The following LRAT variants were observed in gnomAD, a reference collection of about 807,000 sequenced individuals.
LRAT encodes the protein lecithin retinol acyltransferase, also known as lecithin retinol acyltransferase (phosphatidylcholine--retinol O-acyltransferase).
In LRAT, 11 loss-of-function variants were observed where a neutral mutation model predicts 14.2. That is an observed-to-expected ratio of 0.78 (90% CI 0.49 to 1.29). The LOEUF (loss-of-function observed/expected upper bound fraction) is 1.29. Ranked by LOEUF, LRAT falls within the 50% of genes most tolerant of loss-of-function variation. The pLI is 0.00. For synonymous variants in LRAT, 144 were observed against 124.8 expected (o/e 1.15, Z -1.03); for missense variants, 274 against 292.4 (o/e 0.94, Z 0.46).
Position 154,744,489 on chromosome 4 carries a change from C to A in LRAT, c.163C>A (p.Arg55=). ...CCGAGGCGACGTGCTGGAGGTGCCC[C>A]GGACCCACCTGACCCACTATGGCAT... ...FHRGDVLEVP[R]THLTHYGIYL... is the part of the protein sequence containing the mutation. Residue 55 remains arginine, a synonymous_variant, in exon 2 of 3, where the codon CGG becomes AGG. Coordinates refer to ENST00000336356, the MANE Select transcript of LRAT (RefSeq NM_004744.5). The A allele has an allele frequency of 6.2e-7, 1 of 1,614,082 alleles. No homozygotes were observed. Among genetic ancestry groups the A allele is most frequent in the South Asian group, 1.1e-5 (1 of 91,082 alleles).
intron 2 of LRAT, 146 bp from the exon 3 acceptor site, chr4:154,748,838 T>G (rs1732931080): frequency 1.3e-6 from 1 of 745,354 alleles, no homozygotes; most frequent in Non-Finnish European, 2.3e-6. Flanking sequence ...ACTCTTAACA[T>G]TGTAAATTTT....
chr4:154,744,351 G>GAAGAACCCCA lies in LRAT; in HGVS notation c.25_26insAAGAACCCCA (p.Val9GlufsTer21), dbSNP rs1732831101. On this transcript the variant is annotated frameshift_variant, in exon 2 of 3. Coordinates refer to ENST00000336356, the MANE Select transcript of LRAT (RefSeq NM_004744.5). LOFTEE classifies it high-confidence loss of function. Reference sequence around the variant, plus strand: ...GATGAAGAACCCCATGCTGGAGGTGGTGTCTTTACTACTGGAGAAGCTGCT... The same window carrying GAAGAACCCCA: ...GATGAAGAACCCCATGCTGGAGGTGGAAGAACCCCATGTCTTTACTACTGGAGAAGCTGCT... The GAAGAACCCCA allele has an allele frequency of 1.9e-6, 3 of 1,614,178 alleles. No homozygotes were observed. The highest frequency in any genetic ancestry group is 2.5e-6 in the Non-Finnish European group (3 of 1,180,038).
At chr4:154,747,769 A>G (rs765421844) in intron 2 of LRAT, among the ~76,000 whole-genome samples, 1 of 152,144 alleles carries the variant, frequency 6.6e-6, no homozygotes, top group African/African-American at 2.4e-5. Context: ...TTACCATCTT[A>G]AAATAGTATA....
chr4:154,747,605 G>A (rs1732906872), intron 2 of LRAT, among the ~76,000 whole-genome samples: 1 of 152,074 alleles, frequency 6.6e-6, no homozygotes, highest in Admixed American at 6.5e-5. Flanking sequence ...ATCTGCTTTT[G>A]TGGGAAATAC....
At chr4:154,747,537 G>T (rs1400432510) in intron 2 of LRAT, among the ~76,000 whole-genome samples, 3 of 152,058 alleles carry the variant, frequency 2.0e-5, no homozygotes, top group African/African-American at 7.2e-5. Context: ...ATGCCTGCTG[G>T]TCTGCTGACC....
chr4:154,748,833 T>C, intron 2 of LRAT, 151 bp from the exon 3 acceptor site: 1 of 735,328 alleles, frequency 1.4e-6, no homozygotes, highest in Non-Finnish European at 2.3e-6. Context: ...ACTGGACTCT[T>C]AACATTGTAA....
rs1732840929 is a variant in LRAT, at chr4:154,744,590, G to A, written c.264G>A (p.Thr88=). ...CCCTGACAGACGACATGGGGCGCAC[G>A]CAGAAGGTGGTCTCCAACAAGCGTC... is the stretch of plus-strand genomic sequence containing the variant. The part of the protein sequence containing the change: ...LLALTDDMGR[T]QKVVSNKRLI... Residue 88 remains threonine (T), a synonymous_variant, in exon 2 of 3, where the codon ACG becomes ACA. Coordinates refer to ENST00000336356, the MANE Select transcript of LRAT (RefSeq NM_004744.5). 1 of 1,614,038 alleles carries A rather than the reference G, an allele frequency of 6.2e-7. No individual in the cohort carries two copies. Among genetic ancestry groups the A allele is most frequent in the African/African-American group, 1.3e-5 (1 of 74,924 alleles).
upstream of LRAT, chr4:154,740,962 C>A (rs970261433): frequency 6.6e-6 from 1 of 152,188 alleles, no homozygotes; most frequent in African/African-American, 2.4e-5. Context: ...TGTTAGATTT[C>A]TCTTGGGCCT....
In LRAT at chr4:154,751,761, A is replaced by AAAAAAAAAAAAAAAAAAAAAAAAAG. The variant is rs1553973380; in HGVS notation, c.*2628_*2629insAAAAAAAAAAAAAAAAAAAAAGAAA. On this transcript the variant is annotated 3_prime_UTR_variant, in exon 3 of 3. Transcript: ENST00000336356. ...AAAAAAAAAAAAAAAAAAAAAAAAA[A>AAAAAAAAAAAAAAAAAAAAAAAAAG]AAAGAAGAAGAAACCCTGAGCCATT... is the stretch of plus-strand genomic sequence containing the variant. The AAAAAAAAAAAAAAAAAAAAAAAAAG allele has an allele frequency of 1.8e-5, 2 of 109,786 alleles. No individual in the cohort carries two copies. Among genetic ancestry groups the AAAAAAAAAAAAAAAAAAAAAAAAAG allele is most frequent in the Middle Eastern group, 5.1e-3 (1 of 196 alleles). The allele number at this position is 109,786 out of a possible 1,614,324, so 6.8% of individuals were successfully genotyped here.
At chr4:154,742,682 A>G (rs1732789383), upstream of LRAT, among the ~76,000 whole-genome samples, 1 of 152,142 alleles carries the variant, frequency 6.6e-6, no homozygotes, top group Non-Finnish European at 1.5e-5. Flanking sequence ...CGGTGGGGAC[A>G]TCGCGTGCCA....
rs1732822593 is a variant in LRAT, at chr4:154,744,055, G to C, written c.-169G>C. ...GGCCCCCAGGTGCGCTCCTTCTCCG[G>C]CTGCTTGTAGCACTGGTCTCACTGT... On this transcript the variant is annotated 5_prime_UTR_variant, in exon 1 of 3. Transcript: ENST00000336356. The C allele has an allele frequency of 1.2e-5, 6 of 508,796 alleles. No individual in the cohort carries two copies. The South Asian group carries it at 1.3e-4, about 11-fold the overall frequency. The allele number at this position is 508,796 out of a possible 1,614,324, so 31.5% of individuals were successfully genotyped here. A position where few individuals can be genotyped will look rare whatever the true frequency, so the allele number is the denominator to read the frequency against.
At chr4:154,744,970 T>TCCCCTA in intron 2 of LRAT, 104 bp downstream of exon 2, 5 of 695,184 alleles carry the variant, frequency 7.2e-6, no homozygotes, top group Non-Finnish European at 1.2e-5. Context: ...CCTGGACACC[T>TCCCCTA]CCCCTACCAC....
chr4:154,746,405 A>G (rs1430123822), intron 2 of LRAT, among the ~76,000 whole-genome samples: 1 of 152,192 alleles, frequency 6.6e-6, no homozygotes, highest in Non-Finnish European at 1.5e-5. Flanking sequence ...TCGGTGTATG[A>G]AACTCCTTAT....
In LRAT at chr4:154,749,242, T is replaced by A; in HGVS notation, c.*106T>A. ...TTGAGAAAAATGTGACCCGTAACAC[T>A]GTGTTCTGGATAAAAATGTGATTAG... On this transcript the variant is annotated 3_prime_UTR_variant, in exon 3 of 3. Coordinates refer to ENST00000336356, the MANE Select transcript of LRAT (RefSeq NM_004744.5). 1 of 1,239,020 alleles carries A rather than the reference T, an allele frequency of 8.1e-7. No individual in the cohort carries two copies. 76.8% of individuals were successfully genotyped at this position (1,239,020 alleles called of 1,614,324 possible).
At chr4:154,743,477 A>G (rs1197907909), upstream of LRAT, among the ~76,000 whole-genome samples, 5 of 152,166 alleles carry the variant, frequency 3.3e-5, no homozygotes, top group Non-Finnish European at 7.4e-5. Flanking sequence ...TCTGGGTGAT[A>G]GAGCAAGGCA....
intron 2 of LRAT, among the ~76,000 whole-genome samples, chr4:154,746,079 C>A (rs1055523337): frequency 6.6e-6 from 1 of 152,170 alleles, no homozygotes. Context: ...TTTAAAACCT[C>A]TTAACTTTTA....
chr4:154,748,253 T>C, intron 2 of LRAT: 1 of 985,454 alleles, frequency 1.0e-6, no homozygotes. Context: ...ACAATTTGAG[T>C]GTTCCCATTT....
At chr4:154,742,595 A>T (rs1044805876), upstream of LRAT, among the ~76,000 whole-genome samples, 1 of 152,204 alleles carries the variant, frequency 6.6e-6, no homozygotes, top group Non-Finnish European at 1.5e-5. Flanking sequence ...TTGTGGAGCC[A>T]CCCGAGGCTC....
At chr4:154,740,938 T>C (rs1381783133), upstream of LRAT, 2 of 152,264 alleles carry the variant, frequency 1.3e-5, no homozygotes, top group East Asian at 1.9e-4. Context: ...CATCTTCTGA[T>C]TTAGAAGAAC....
Sources: allele counts gnomAD v4.1 joint callset (sites outside exome capture counted in the v4.1 genomes callset), GRCh38; gene constraint gnomAD v4.1.1; transcripts MANE v1.5; gene names NCBI Gene and HGNC (gene_info 2026-07-23, HGNC 2026-07-21).